Variants in TRDN observed in about 807,000 individuals in gnomAD.
TRDN encodes the protein triadin, also known as triadin in skeletal muscle.
A neutral mutation model predicts 149.7 loss-of-function variants in TRDN; 161 were observed. The observed-to-expected ratio is 1.08, with a 90% CI of 0.95 to 1.23. The LOEUF (loss-of-function observed/expected upper bound fraction) is 1.23, where lower values mean the gene tolerates loss of function less well. Among genes scored for constraint, TRDN ranks in the 50% most tolerant of loss-of-function variants. TRDN has a pLI of 0.00. For synonymous variants in TRDN, 294 were observed against 250.5 expected (o/e 1.17, Z -1.64); for missense variants, 896 against 823.5 (o/e 1.09, Z -1.08).
chr6:123,385,705 C>T (rs893033885), intron 14 of TRDN, among the ~76,000 whole-genome samples: 4 of 152,044 alleles, frequency 2.6e-5, no homozygotes, highest in Middle Eastern at 3.2e-3. Flanking sequence ...AAAAATAAAT[C>T]TCATATGGCT....
At chr6:123,218,823 A>G in intron 40 of TRDN, 83 bp from the exon 41 acceptor site, 1 of 1,410,274 alleles carries the variant, frequency 7.1e-7, no homozygotes, top group South Asian at 1.4e-5. Context: ...TGCAGCAGAT[A>G]AGGTCACAGA....
chr6:123,355,443 T>C (rs1306072636), intron 20 of TRDN, among the ~76,000 whole-genome samples: 2 of 151,686 alleles, frequency 1.3e-5, no homozygotes, highest in Admixed American at 1.3e-4. Context: ...CACTGAATTA[T>C]TATTTGTGTA....
intron 9 of TRDN, among the ~76,000 whole-genome samples, chr6:123,465,438 C>T (rs2114711419): frequency 6.6e-6 from 1 of 151,662 alleles, no homozygotes; most frequent in South Asian, 2.1e-4. Context: ...ATTCATAGGC[C>T]TTTGATATTG....
At chr6:123,406,587 A>C (rs946417847) in intron 12 of TRDN, among the ~76,000 whole-genome samples, 2 of 151,904 alleles carry the variant, frequency 1.3e-5, no homozygotes, top group Non-Finnish European at 1.5e-5. Flanking sequence ...CGTCATATGC[A>C]TGTATATAAA....
chr6:123,382,262 C>A, intron 14 of TRDN, 115 bp from the exon 15 acceptor site: 1 of 657,996 alleles, frequency 1.5e-6, no homozygotes, highest in South Asian at 2.9e-5. Context: ...ACAAATTGAT[C>A]ATTTGTATAT....
At chr6:123,563,090 T>C (rs1023374008) in intron 2 of TRDN, among the ~76,000 whole-genome samples, 2 of 152,234 alleles carry the variant, frequency 1.3e-5, no homozygotes, top group Non-Finnish European at 2.9e-5. Context: ...CATCCCTACT[T>C]ACAATTATGT....
chr6:123,586,244 T>G (rs1404138384), intron 1 of TRDN, among the ~76,000 whole-genome samples: 2 of 152,146 alleles, frequency 1.3e-5, no homozygotes, highest in African/African-American at 2.4e-5. Context: ...GGAATGAAAC[T>G]GTAAGCCGGA....
intron 20 of TRDN, 115 bp from the exon 21 acceptor site, chr6:123,352,701 T>C: frequency 4.4e-6 from 6 of 1,352,740 alleles, no homozygotes; most frequent in Non-Finnish European, 5.9e-6. Context: ...ACAAGTTATT[T>C]TGAAGCTTCT....
intron 24 of TRDN, among the ~76,000 whole-genome samples, chr6:123,292,943 T>C (rs1317509823): frequency 2.6e-5 from 4 of 152,158 alleles, no homozygotes; most frequent in African/African-American, 4.8e-5. Context: ...ATCTCTTTTG[T>C]CTTTGTTGGG....
At position 123,516,205 on chromosome 6, in the gene TRDN, A is replaced by T; in HGVS notation, c.486T>A (p.Val162=). ...TTCCTTTTTCTTTTTCTTTGTGTGT[A>T]ACTGAAAAGAAACAGATAAATAGTT... ...EKPERKIQTK[V]THKEKEKGKE... Residue 162 remains valine (V), a splice_region_variant and synonymous_variant, in exon 6 of 41, where the codon GTT becomes GTA. Transcript: ENST00000334268. The T allele has an allele frequency of 6.7e-7, 1 of 1,481,506 alleles. No homozygotes were observed. Among genetic ancestry groups the T allele is most frequent in the Non-Finnish European group, 9.1e-7 (1 of 1,104,720 alleles). The allele number at this position is 1,481,506 out of a possible 1,614,324, so 91.8% of individuals were successfully genotyped here.
At chr6:123,242,305 AT>A (rs1776019088) in intron 38 of TRDN, among the ~76,000 whole-genome samples, 1 of 152,250 alleles carries the variant, frequency 6.6e-6, no homozygotes, top group African/African-American at 2.4e-5. Flanking sequence ...TCAGGAATAG[AT>A]TGTGGTGTTA....
At chr6:123,308,529 T>A (rs1386609500) in intron 24 of TRDN, among the ~76,000 whole-genome samples, 2 of 151,974 alleles carry the variant, frequency 1.3e-5, no homozygotes, top group East Asian at 1.9e-4. Flanking sequence ...CTCTCTTTCC[T>A]TTGTCTTCTA....
At chr6:123,503,017 A>G in intron 8 of TRDN, 1 of 985,336 alleles carries the variant, frequency 1.0e-6, no homozygotes, top group South Asian at 4.7e-5. Flanking sequence ...TCCATAAAAT[A>G]AAAATTCAGG....
chr6:123,358,016 G>A (rs1177828424), intron 20 of TRDN, among the ~76,000 whole-genome samples: 1 of 152,068 alleles, frequency 6.6e-6, no homozygotes, highest in Non-Finnish European at 1.5e-5. Context: ...ATTCTATGAA[G>A]AGCAAACATT....
rs1417534944 is a variant in TRDN, at chr6:123,497,465, A to G, written c.794-213T>C. Among the ~76,000 whole-genome samples the G allele has an allele frequency of 2.0e-5, 3 of 152,130 alleles. No individual in the cohort carries two copies. In the East Asian group the frequency reaches 5.8e-4, roughly 29 times the overall value. On this transcript the variant is annotated intron_variant, in intron 8 of 40. Transcript: ENST00000334268. ...GCTTCATTTCTTCCATACAAAAATAACCTCAAAAATTGAAAAGGACTAGTT... is the reference window on the plus strand; with the variant it reads ...GCTTCATTTCTTCCATACAAAAATAGCCTCAAAAATTGAAAAGGACTAGTT...
At chr6:123,350,152 G>C in intron 21 of TRDN, 1 of 971,122 alleles carries the variant, frequency 1.0e-6, no homozygotes, top group South Asian at 4.8e-5. Context: ...ATGGTTAGTA[G>C]ACAAATCTTA....
chr6:123,558,244 A>G (rs936431315), intron 2 of TRDN, among the ~76,000 whole-genome samples: 7 of 150,984 alleles, frequency 4.6e-5, no homozygotes, highest in South Asian at 4.2e-4. Context: ...CCTCTTTCCA[A>G]TCTTCCTTTT....
rs555714641 is a variant in TRDN at position 123,372,171 on chromosome 6, C to CA, written c.1273+3433dup. 6.7e-3 allele frequency among the ~76,000 whole-genome samples: 979 copies of CA among 146,034 alleles called. 8 individuals are homozygous for CA. Among genetic ancestry groups the CA allele is most frequent in the African/African-American group, 0.02 (796 of 39,986 alleles). ...CCATGCCAGAGTATTTAAACTGAGT[C>CA]AAAAAAAAAACCATGCAATTTTATT... is the stretch of plus-strand genomic sequence containing the variant. On this transcript the variant is annotated intron_variant, in intron 19 of 40. Coordinates refer to ENST00000334268, the MANE Select transcript of TRDN (RefSeq NM_006073.4).
chr6:123,350,919 T>A, intron 21 of TRDN: 2 of 984,898 alleles, frequency 2.0e-6, no homozygotes, highest in South Asian at 9.4e-5. Context: ...TAAGAACCAT[T>A]TCCAGTCTCT....
Sources: gnomAD v4.1 joint callset for allele counts (sites outside exome capture counted in the v4.1 genomes callset) on GRCh38, gnomAD v4.1.1 for gene constraint, MANE v1.5 for transcripts, NCBI Gene and HGNC (gene_info 2026-07-23, HGNC 2026-07-21) for gene names.